DPP10: variants seen among roughly 807,000 people sequenced by gnomAD.
The protein encoded by DPP10 is dipeptidyl peptidase like 10, also known as inactive dipeptidyl peptidase 10.
Under a neutral mutation model 120.9 loss-of-function variants are expected in DPP10, and 33 were observed. That is an observed-to-expected ratio of 0.27 (90% CI 0.21 to 0.37). The LOEUF (loss-of-function observed/expected upper bound fraction) is 0.37, where lower values mean the gene tolerates loss of function less well. DPP10 is among the 10% of genes least tolerant of loss of function. DPP10 has a pLI of 1.00. For synonymous variants in DPP10, 337 were observed against 326.1 expected (o/e 1.03, Z -0.36); for missense variants, 816 against 942.8 (o/e 0.87, Z 1.76).
At chr2:114,940,535 T>C (rs1161984173) in intron 1 of DPP10, among the ~76,000 whole-genome samples, 2 of 149,134 alleles carry the variant, frequency 1.3e-5, no homozygotes, top group Admixed American at 1.3e-4. Context: ...AATAACAGAA[T>C]CTACACCAGA....
chr2:115,730,661 T>G (rs1247322518), intron 8 of DPP10, among the ~76,000 whole-genome samples: 1 of 152,182 alleles, frequency 6.6e-6, no homozygotes, highest in Non-Finnish European at 1.5e-5. Flanking sequence ...AGAGACCGTT[T>G]CCTGACAAAT....
At chr2:115,525,822 T>C (rs2078098989) in intron 4 of DPP10, 76 bp from the exon 5 acceptor site, 2 of 1,038,764 alleles carry the variant, frequency 1.9e-6, no homozygotes, top group African/African-American at 1.7e-5. Context: ...TGAAAATTGA[T>C]TTTTTTTTAC....
chr2:115,738,472 T>C (rs894990408), intron 8 of DPP10, among the ~76,000 whole-genome samples: 2 of 152,198 alleles, frequency 1.3e-5, no homozygotes, highest in African/African-American at 4.8e-5. Context: ...AGATGCTGTG[T>C]GGAGCCTTTG....
At chr2:115,571,555 G>A (rs896452689) in intron 5 of DPP10, among the ~76,000 whole-genome samples, 4 of 152,130 alleles carry the variant, frequency 2.6e-5, no homozygotes, top group African/African-American at 7.2e-5. Context: ...GATGCAATGT[G>A]TAGAAATATG....
intron 1 of DPP10, among the ~76,000 whole-genome samples, chr2:114,676,099 C>T (rs1437647681): frequency 1.3e-5 from 2 of 152,112 alleles, no homozygotes; most frequent in Non-Finnish European, 2.9e-5. Flanking sequence ...CATGCCCAGC[C>T]CATCTCTAAG....
At chr2:115,584,153 G>C (rs2082154831) in intron 5 of DPP10, among the ~76,000 whole-genome samples, 1 of 152,112 alleles carries the variant, frequency 6.6e-6, no homozygotes, top group Non-Finnish European at 1.5e-5. Context: ...GGTCCTTCTT[G>C]AAGTATTGTT....
chr2:115,492,151 C>A (rs1314308184), intron 3 of DPP10, among the ~76,000 whole-genome samples: 1 of 152,216 alleles, frequency 6.6e-6, no homozygotes, highest in South Asian at 2.1e-4. Flanking sequence ...TTGCTGTGAT[C>A]ATTCTACTGG....
intron 1 of DPP10, among the ~76,000 whole-genome samples, chr2:115,089,292 C>T (rs1281144712): frequency 1.3e-5 from 2 of 152,044 alleles, no homozygotes; most frequent in Admixed American, 6.5e-5. Flanking sequence ...CAGAATAATC[C>T]AATCTAATCA....
intron 5 of DPP10, among the ~76,000 whole-genome samples, chr2:115,562,148 A>G (rs923202836): frequency 6.6e-6 from 1 of 152,172 alleles, no homozygotes. Flanking sequence ...AAAACCCAGA[A>G]TGTTTGAAGC....
intron 1 of DPP10, among the ~76,000 whole-genome samples, chr2:114,615,921 G>A (rs762850895): frequency 5.9e-5 from 9 of 152,084 alleles, no homozygotes; most frequent in African/African-American, 2.2e-4. Context: ...ATCTGATAAG[G>A]TGTAGCCATA....
intron 1 of DPP10, among the ~76,000 whole-genome samples, chr2:114,896,980 T>C (rs537481671): frequency 6.6e-6 from 1 of 152,234 alleles, no homozygotes; most frequent in Non-Finnish European, 1.5e-5. Context: ...CTTTTCTGCA[T>C]CTATTGAGAT....
chr2:115,707,890 A>C (rs1229321201), intron 7 of DPP10, among the ~76,000 whole-genome samples: 1 of 151,952 alleles, frequency 6.6e-6, no homozygotes, highest in Non-Finnish European at 1.5e-5. Flanking sequence ...TATGAATAAC[A>C]AGATGAAACT....
chr2:115,328,502 A>G (rs2062497877), intron 2 of DPP10, among the ~76,000 whole-genome samples: 1 of 152,066 alleles, frequency 6.6e-6, no homozygotes, highest in Non-Finnish European at 1.5e-5. Flanking sequence ...TTCTTATTTG[A>G]TGAGCACTTT....
chr2:114,866,112 AAAATAAAT>A (rs10650348), intron 1 of DPP10, among the ~76,000 whole-genome samples: 576 of 141,668 alleles, frequency 4.1e-3, no homozygotes, highest in African/African-American at 0.013. Flanking sequence ...CTCTGTCTCA[AAAATAAAT>A]AAATAAATAA....
At chr2:114,918,715 G>T (rs752870014) in intron 1 of DPP10, among the ~76,000 whole-genome samples, 2 of 152,112 alleles carry the variant, frequency 1.3e-5, no homozygotes, top group Non-Finnish European at 2.9e-5. Context: ...AATACTGCAT[G>T]TTCTCACTTA....
intron 1 of DPP10, among the ~76,000 whole-genome samples, chr2:114,815,864 A>G (rs1458144789): frequency 2.1e-5 from 3 of 144,500 alleles, no homozygotes; most frequent in African/African-American, 7.8e-5. Context: ...TCTTTGGCCA[A>G]TCACTTAAAT....
At chr2:115,816,532 T>C (rs76331767) in intron 21 of DPP10, among the ~76,000 whole-genome samples, 5,445 of 152,304 alleles carry the variant, frequency 0.036, 165 homozygotes, top group East Asian at 0.1. Context: ...GTAACTGTTA[T>C]GTCAGGTTCA....
intron 1 of DPP10, among the ~76,000 whole-genome samples, chr2:114,921,899 C>T (rs1393201872): frequency 1.3e-5 from 2 of 152,192 alleles, no homozygotes; most frequent in African/African-American, 4.8e-5. Context: ...ACACAGCAGC[C>T]TTTTCCCTTG....
At chr2:114,596,054 C>A (rs1171755408) in intron 1 of DPP10, among the ~76,000 whole-genome samples, 2 of 152,056 alleles carry the variant, frequency 1.3e-5, no homozygotes, top group Non-Finnish European at 2.9e-5. Context: ...CCACTACCAG[C>A]TCTTCAGAAA....
Sources: allele counts gnomAD v4.1 joint callset (sites outside exome capture counted in the v4.1 genomes callset), GRCh38; gene constraint gnomAD v4.1.1; transcripts MANE v1.5; gene names NCBI Gene and HGNC (gene_info 2026-07-23, HGNC 2026-07-21).